Variants in DIAPH3 observed in about 807,000 individuals in gnomAD.
DIAPH3 encodes protein diaphanous homolog 3.
DIAPH3 carries 117 observed loss-of-function variants against 144.3 expected under a neutral mutation model. That is an observed-to-expected ratio of 0.81 (90% CI 0.70 to 0.95). The LOEUF is 0.95. DIAPH3 is among the 40% of genes least tolerant of loss of function. The probability of loss-of-function intolerance (pLI) is 0.00; values close to 1 mark genes in which losing one functional copy is unlikely to be tolerated. For missense variants in DIAPH3, 1,421 were observed against 1,412.7 expected, an observed-to-expected ratio of 1.01 and a Z score of -0.09; for synonymous variants, 519 against 488.9, an observed-to-expected ratio of 1.06 and a Z score of -0.81.
At chr13:59,821,038 T>C (rs1353603632) in intron 24 of DIAPH3, among the ~76,000 whole-genome samples, 1 of 152,020 alleles carries the variant, frequency 6.6e-6, no homozygotes, top group East Asian at 1.9e-4. Flanking sequence ...AATGTCTTCT[T>C]GTTCAGAGTT....
chr13:60,148,076 T>C (rs1033209059), intron 1 of DIAPH3, among the ~76,000 whole-genome samples: 1 of 152,084 alleles, frequency 6.6e-6, no homozygotes, highest in Non-Finnish European at 1.5e-5. Context: ...GGATAACCAA[T>C]GCATATGGAA....
At chr13:59,872,926 C>G (rs528757439) in intron 21 of DIAPH3, among the ~76,000 whole-genome samples, 9 of 152,188 alleles carry the variant, frequency 5.9e-5, no homozygotes, top group Non-Finnish European at 1.3e-4. Flanking sequence ...GTCACTCCAT[C>G]TTTTATAATT....
intron 27 of DIAPH3, among the ~76,000 whole-genome samples, chr13:59,679,071 A>G (rs547230543): frequency 6.6e-6 from 1 of 152,350 alleles, no homozygotes; most frequent in South Asian, 2.1e-4. Flanking sequence ...GAGTCAAAGA[A>G]TATGAACCTT....
chr13:60,085,650 A>G (rs1447774094), intron 4 of DIAPH3, among the ~76,000 whole-genome samples: 2 of 152,122 alleles, frequency 1.3e-5, no homozygotes, highest in African/African-American at 4.8e-5. Flanking sequence ...TTCATCAATT[A>G]CTTAGCCCCT....
intron 5 of DIAPH3, among the ~76,000 whole-genome samples, chr13:60,029,863 C>T (rs2054657795): frequency 6.6e-6 from 1 of 152,124 alleles, no homozygotes; most frequent in South Asian, 2.1e-4. Context: ...GACTCCACTT[C>T]CACAGAATGA....
intron 20 of DIAPH3, among the ~76,000 whole-genome samples, chr13:59,904,540 T>C (rs1241897021): frequency 6.6e-6 from 1 of 152,198 alleles, no homozygotes; most frequent in Non-Finnish European, 1.5e-5. Context: ...GGGCATTTCA[T>C]TCTCCATTTT....
intron 20 of DIAPH3, among the ~76,000 whole-genome samples, chr13:59,900,279 T>C (rs2046357359): frequency 6.6e-6 from 1 of 152,238 alleles, no homozygotes; most frequent in Admixed American, 6.5e-5. Flanking sequence ...TTTATTATCA[T>C]GATGTATTAG....
At chr13:59,804,302 G>A (rs1429104909) in intron 25 of DIAPH3, among the ~76,000 whole-genome samples, 1 of 152,056 alleles carries the variant, frequency 6.6e-6, no homozygotes, top group Non-Finnish European at 1.5e-5. Flanking sequence ...TCCTATATAG[G>A]TATAGTCTAG....
chr13:60,118,458 T>A (rs1388685606), intron 2 of DIAPH3, among the ~76,000 whole-genome samples: 2 of 152,224 alleles, frequency 1.3e-5, no homozygotes, highest in African/African-American at 4.8e-5. Context: ...GTAGAAATTT[T>A]CACGAAATCC....
intron 17 of DIAPH3, among the ~76,000 whole-genome samples, chr13:59,944,106 T>C (rs1445755757): frequency 6.6e-6 from 1 of 151,882 alleles, no homozygotes; most frequent in Non-Finnish European, 1.5e-5. Flanking sequence ...CCCAGCTACT[T>C]GAGAGGCTGA....
At chr13:59,801,331 A>G (rs2039889356) in intron 25 of DIAPH3, among the ~76,000 whole-genome samples, 1 of 152,204 alleles carries the variant, frequency 6.6e-6, no homozygotes, top group Non-Finnish European at 1.5e-5. Flanking sequence ...ACTAATTGCC[A>G]CAGAATCAGT....
chr13:60,052,698 T>C (rs528371243), intron 4 of DIAPH3, among the ~76,000 whole-genome samples: 3 of 152,030 alleles, frequency 2.0e-5, no homozygotes, highest in Admixed American at 6.6e-5. Flanking sequence ...AAGGTATACA[T>C]AGACTAAGGT....
intron 2 of DIAPH3, among the ~76,000 whole-genome samples, chr13:60,119,559 A>AG (rs2058784989): frequency 6.6e-6 from 1 of 151,578 alleles, no homozygotes; most frequent in African/African-American, 2.4e-5. Flanking sequence ...CATCCCGGCT[A>AG]AAACGGTGAA....
At chr13:59,764,365 C>A (rs1035402767) in intron 27 of DIAPH3, among the ~76,000 whole-genome samples, 2 of 151,588 alleles carry the variant, frequency 1.3e-5, no homozygotes, top group African/African-American at 4.8e-5. Context: ...AGCTCTATGG[C>A]TCACTAGTTC....
intron 20 of DIAPH3, among the ~76,000 whole-genome samples, chr13:59,908,007 G>A (rs2046818002): frequency 6.6e-6 from 1 of 152,078 alleles, no homozygotes; most frequent in Non-Finnish European, 1.5e-5. Context: ...AATTCCCACA[G>A]TAAATTTGTA....
At chr13:60,163,124 C>T (rs1402313953) in intron 1 of DIAPH3, among the ~76,000 whole-genome samples, 1 of 152,116 alleles carries the variant, frequency 6.6e-6, no homozygotes, top group Non-Finnish European at 1.5e-5. Context: ...TTAGCAGTGA[C>T]CACACCACCC....
chr13:59,878,053 T>C (rs1186586149), intron 21 of DIAPH3, among the ~76,000 whole-genome samples: 5 of 152,122 alleles, frequency 3.3e-5, no homozygotes, highest in South Asian at 4.1e-4. Flanking sequence ...ATGGTTTACA[T>C]GTGGAAAATA....
chr13:59,802,679 T>TA (rs1420173224), intron 25 of DIAPH3, among the ~76,000 whole-genome samples: 4 of 70,282 alleles, frequency 5.7e-5, no homozygotes, highest in Non-Finnish European at 8.9e-5. Flanking sequence ...TTTTTTTTTT[T>TA]TTTTTTTTTT....
chr13:60,071,363 G>A (rs1045415653), intron 4 of DIAPH3, among the ~76,000 whole-genome samples: 6 of 152,150 alleles, frequency 3.9e-5, no homozygotes, highest in African/African-American at 1.4e-4. Context: ...AGAGTTGACC[G>A]TGGCTTCTAA....
Sources: allele counts gnomAD v4.1 joint callset (sites outside exome capture counted in the v4.1 genomes callset), GRCh38; gene constraint gnomAD v4.1.1; transcripts MANE v1.5; gene names NCBI Gene and HGNC (gene_info 2026-07-23, HGNC 2026-07-21).